Variants in ASTN2 observed in about 807,000 individuals in gnomAD.
ASTN2 encodes the protein astrotactin-2.
ASTN2 carries 54 observed loss-of-function variants against 139.8 expected under a neutral mutation model. That is an observed-to-expected ratio of 0.39 (90% CI 0.31 to 0.48). The LOEUF (loss-of-function observed/expected upper bound fraction) is 0.48. Among genes scored for constraint, ASTN2 ranks in the 20% least tolerant of loss-of-function variants. The probability of loss-of-function intolerance (pLI) is 0.95; values close to 1 mark genes in which losing one functional copy is unlikely to be tolerated. For synonymous variants in ASTN2, 756 were observed against 719.5 expected, an observed-to-expected ratio of 1.05 and a Z score of -0.81; for missense variants, 1,565 against 1,725.1, an observed-to-expected ratio of 0.91 and a Z score of 1.64.
At chr9:116,883,370 A>G (rs911767716) in intron 10 of ASTN2, among the ~76,000 whole-genome samples, 3 of 152,322 alleles carry the variant, frequency 2.0e-5, no homozygotes, top group African/African-American at 7.2e-5. Flanking sequence ...ACTGGGTTGG[A>G]TGTGTGGAGA....
chr9:117,103,826 A>G (rs1169899051), intron 4 of ASTN2, among the ~76,000 whole-genome samples: 1 of 152,226 alleles, frequency 6.6e-6, no homozygotes, highest in Non-Finnish European at 1.5e-5. Flanking sequence ...TCCCAGTCAT[A>G]GAAAAAGGAC....
intron 13 of ASTN2, among the ~76,000 whole-genome samples, chr9:116,763,552 A>C (rs956650715): frequency 2.6e-5 from 4 of 152,132 alleles, no homozygotes; most frequent in African/African-American, 9.7e-5. Flanking sequence ...TATTCTATGG[A>C]GGGTGATATG....
At chr9:116,483,177 T>C (rs1455436171) in intron 20 of ASTN2, among the ~76,000 whole-genome samples, 1 of 152,218 alleles carries the variant, frequency 6.6e-6, no homozygotes, top group African/African-American at 2.4e-5. Flanking sequence ...CAGCAGGAGC[T>C]GGCCCTGCTG....
At chr9:117,014,476 C>G (rs1469682347) in intron 6 of ASTN2, among the ~76,000 whole-genome samples, 2 of 152,124 alleles carry the variant, frequency 1.3e-5, no homozygotes, top group African/African-American at 2.4e-5. Flanking sequence ...CAAGAGTCCT[C>G]CTCCGGTTAT....
At chr9:116,428,940 T>C (rs1298060059) in intron 22 of ASTN2, among the ~76,000 whole-genome samples, 2 of 152,230 alleles carry the variant, frequency 1.3e-5, no homozygotes, top group Non-Finnish European at 2.9e-5. Flanking sequence ...GGGAGAGTTA[T>C]TGAAAGATTT....
intron 17 of ASTN2, among the ~76,000 whole-genome samples, chr9:116,649,572 CA>C (rs35946741): frequency 0.022 from 3,061 of 137,532 alleles, 92 homozygotes; most frequent in African/African-American, 0.076. Context: ...AAAACTGTCT[CA>C]AAAAAAAAAA....
intron 19 of ASTN2, among the ~76,000 whole-genome samples, chr9:116,491,116 T>C (rs1001201432): frequency 3.3e-5 from 5 of 152,214 alleles, no homozygotes; most frequent in African/African-American, 4.8e-5. Flanking sequence ...CTGCAGTATA[T>C]GCAGTATAAC....
chr9:116,677,166 T>A (rs559163774), intron 16 of ASTN2, among the ~76,000 whole-genome samples: 1 of 152,270 alleles, frequency 6.6e-6, no homozygotes, highest in South Asian at 2.1e-4. Flanking sequence ...TGGAAAAAGG[T>A]TTTTTTCCCT....
At chr9:117,325,427 C>T (rs1828481699) in intron 1 of ASTN2, among the ~76,000 whole-genome samples, 1 of 152,070 alleles carries the variant, frequency 6.6e-6, no homozygotes, top group Non-Finnish European at 1.5e-5. Context: ...GTCAGTCTGG[C>T]CAGTCTCAAG....
chr9:117,111,368 G>A (rs1829244193), intron 4 of ASTN2, among the ~76,000 whole-genome samples: 1 of 151,898 alleles, frequency 6.6e-6, no homozygotes, highest in South Asian at 2.1e-4. Flanking sequence ...AGGACTATTG[G>A]CAGGAAAAAA....
rs182332165 is a variant in ASTN2 at position 116,550,068 on chromosome 9, C to T, written c.3356-62568G>A. On this transcript the variant is annotated intron_variant, in intron 19 of 22. Transcript: ENST00000313400. ...GCTTTAATTCCATCTTTCCAAATGG[C>T]TTTCTCTTATCACTACAGTCAAAAT... Among the ~76,000 whole-genome samples, 926 of 152,278 alleles carry T rather than the reference C, an allele frequency of 6.1e-3. 14 individuals carry two copies. Among genetic ancestry groups the T allele is most frequent in the African/African-American group, 0.022 (896 of 41,556 alleles).
At chr9:117,304,541 C>G (rs1177544731) in intron 1 of ASTN2, among the ~76,000 whole-genome samples, 1 of 152,176 alleles carries the variant, frequency 6.6e-6, no homozygotes, top group Non-Finnish European at 1.5e-5. Flanking sequence ...TTTCCCTCAG[C>G]CCCTCCTCCT....
chr9:116,476,908 C>A (rs1848997652), intron 20 of ASTN2, among the ~76,000 whole-genome samples: 1 of 152,208 alleles, frequency 6.6e-6, no homozygotes, highest in Non-Finnish European at 1.5e-5. Context: ...CCTGTCCCTC[C>A]TCCAGTGCCC....
At chr9:116,480,639 AG>A (rs1341899792) in intron 20 of ASTN2, among the ~76,000 whole-genome samples, 3 of 152,184 alleles carry the variant, frequency 2.0e-5, no homozygotes, top group Admixed American at 2.0e-4. Context: ...CATGACAGGC[AG>A]GTAGATAAAA....
chr9:116,645,411 C>T (rs1161222715), intron 17 of ASTN2, among the ~76,000 whole-genome samples: 1 of 152,096 alleles, frequency 6.6e-6, no homozygotes, highest in Non-Finnish European at 1.5e-5. Flanking sequence ...ATCAAGGGCT[C>T]GTTTCCAGCT....
chr9:117,057,379 G>A (rs1224111427), intron 5 of ASTN2, among the ~76,000 whole-genome samples: 1 of 152,200 alleles, frequency 6.6e-6, no homozygotes, highest in Non-Finnish European at 1.5e-5. Context: ...GACAGAGACA[G>A]GGTAGTGGTG....
chr9:117,187,660 C>T (rs777600874), intron 3 of ASTN2, among the ~76,000 whole-genome samples: 8 of 152,262 alleles, frequency 5.3e-5, no homozygotes, highest in South Asian at 2.1e-4. Flanking sequence ...TGATGCCCTG[C>T]GCTGCCTCAG....
chr9:116,551,714 C>T (rs1202143611), intron 19 of ASTN2, among the ~76,000 whole-genome samples: 1 of 152,182 alleles, frequency 6.6e-6, no homozygotes, highest in East Asian at 1.9e-4. Context: ...CCCATGGATC[C>T]CACCTCTCAG....
intron 10 of ASTN2, among the ~76,000 whole-genome samples, chr9:116,937,106 T>A (rs886228580): frequency 6.6e-6 from 1 of 152,212 alleles, no homozygotes; most frequent in African/African-American, 2.4e-5. Context: ...TGATTTCCCC[T>A]TCTATCCATC....
Sources: allele counts gnomAD v4.1 joint callset (sites outside exome capture counted in the v4.1 genomes callset), GRCh38; gene constraint gnomAD v4.1.1; transcripts MANE v1.5; gene names NCBI Gene and HGNC (gene_info 2026-07-23, HGNC 2026-07-21).